Variants in DHX33 observed in about 807,000 individuals in gnomAD.
The protein encoded by DHX33 is DEAH-box helicase 33, also known as ATP-dependent RNA helicase DHX33.
DHX33 carries 42 observed loss-of-function variants against 72.5 expected under a neutral mutation model. The observed-to-expected ratio is 0.58, with a 90% CI of 0.45 to 0.75. DHX33 has a LOEUF of 0.75. Ranked by LOEUF, DHX33 falls within the 30% of genes least tolerant of loss-of-function variation. The pLI is 0.00. For missense variants in DHX33, 842 were observed against 917.5 expected (o/e 0.92, Z 1.06); for synonymous variants, 358 against 366.1 (o/e 0.98, Z 0.25).
At chr17:5,458,519 G>A (rs1409462626) in intron 4 of DHX33, among the ~76,000 whole-genome samples, 6 of 152,104 alleles carry the variant, frequency 3.9e-5, no homozygotes, top group Non-Finnish European at 8.8e-5. Context: ...ATGCTGAGGT[G>A]GGAGGACTGA....
chr17:5,454,388 A>G (rs1917099017), intron 6 of DHX33, among the ~76,000 whole-genome samples: 1 of 152,192 alleles, frequency 6.6e-6, no homozygotes, highest in South Asian at 2.1e-4. Flanking sequence ...TCAATCAATG[A>G]CTACGAAATT....
At chr17:5,457,164 C>G (rs750759446) in intron 4 of DHX33, among the ~76,000 whole-genome samples, 25 of 152,178 alleles carry the variant, frequency 1.6e-4, no homozygotes, top group Non-Finnish European at 1.3e-4. Flanking sequence ...AAAAATTAGC[C>G]AGGCGTGGTG....
chr17:5,462,413 T>C lies in DHX33; in HGVS notation c.584A>G (p.Glu195Gly). 2 of 1,614,200 alleles carry C rather than the reference T, an allele frequency of 1.2e-6. No individual in the cohort carries two copies. Among genetic ancestry groups the C allele is most frequent in the Non-Finnish European group, 1.7e-6 (2 of 1,180,036 alleles). ...TGTGTGGATAGTCCGTTCGTGAGCT[T>C]CATCCAAAATGACACAGCTGTATTT... The part of the protein sequence containing the change: ...LRKYSCVILD[E>G]AHERTIHTDV... The change falls in exon 3 of 12, where the codon GAA becomes GGA. Residue 195 changes from glutamate (E) to glycine (G), a missense_variant. Physicochemically the swap from Glu to Gly is moderately conservative, Grantham distance 98. Transcript: ENST00000225296.
chr17:5,459,457 T>C (rs1904479487), intron 4 of DHX33, among the ~76,000 whole-genome samples: 1 of 152,134 alleles, frequency 6.6e-6, no homozygotes, highest in Non-Finnish European at 1.5e-5. Flanking sequence ...TTTTTTGAGA[T>C]AGGATCTTGC....
In DHX33 at chr17:5,441,881, TTTTCTTTTTCTTTCTTTC is replaced by T. The variant is rs1916448173; in HGVS notation, c.*2306_*2323del. The T allele has an allele frequency of 1.3e-5, 2 of 152,040 alleles. No individual in the cohort carries two copies. Among genetic ancestry groups the T allele is most frequent in the African/African-American group, 4.8e-5 (2 of 41,390 alleles). 9.4% of individuals were successfully genotyped at this position (152,040 alleles called of 1,614,324 possible). A position where few individuals can be genotyped will look rare whatever the true frequency, so the allele number is the denominator to read the frequency against. On this transcript the variant is annotated 3_prime_UTR_variant, in exon 12 of 12. Transcript: ENST00000225296. ...AGCTGGACATAAATTACCCCAAGTT[TTTTCTTTTTCTTTCTTTC>T]TTTCTTTTTTTTTCTGAGACCGTCT...
At chr17:5,460,529 C>T (rs1265099562) in intron 4 of DHX33, among the ~76,000 whole-genome samples, 2 of 148,592 alleles carry the variant, frequency 1.3e-5, no homozygotes, top group African/African-American at 2.5e-5. Context: ...TTTTTTCAGA[C>T]GGAGTCTCCC....
In DHX33 at chr17:5,460,996, T is replaced by C. The variant is rs1010044087; in HGVS notation, c.792A>G (p.Lys264=). The change falls in exon 4 of 12, where the codon AAA becomes AAG. Residue 264 remains lysine, a synonymous_variant. Transcript: ENST00000225296. The part of the protein sequence containing the change: ...RQHPIQVFYT[K]QPQNDYLHAA... ...CGTGCAGGTAATCATTCTGAGGCTG[T>C]TTGGTGTAAAACACCTGGATCGGAT... 1 of 1,614,100 alleles carries C rather than the reference T, an allele frequency of 6.2e-7. No individual in the cohort carries two copies. Among genetic ancestry groups the C allele is most frequent in the Admixed American group, 1.7e-5 (1 of 60,022 alleles).
chr17:5,448,047 C>T (rs898590401), intron 11 of DHX33, among the ~76,000 whole-genome samples: 20 of 151,690 alleles, frequency 1.3e-4, no homozygotes, highest in Non-Finnish European at 2.2e-4. Context: ...GGCGTGGTGA[C>T]GCACGCCTGT....
chr17:5,454,982 A>C (rs1917123704), intron 6 of DHX33, among the ~76,000 whole-genome samples, 178 bp downstream of exon 6: 1 of 152,070 alleles, frequency 6.6e-6, no homozygotes, highest in African/African-American at 2.4e-5. Flanking sequence ...TTCCTGTCTC[A>C]CATACCCGCC....
chr17:5,454,934 A>G (rs1917122343), intron 6 of DHX33, among the ~76,000 whole-genome samples: 1 of 152,140 alleles, frequency 6.6e-6, no homozygotes, highest in Non-Finnish European at 1.5e-5. Flanking sequence ...CTGTGTGCCC[A>G]AGTTTGCTCA....
At chr17:5,451,897 T>C (rs1297282411) in intron 8 of DHX33, among the ~76,000 whole-genome samples, 2 of 152,118 alleles carry the variant, frequency 1.3e-5, no homozygotes, top group South Asian at 2.1e-4. Flanking sequence ...TCAGCACAAA[T>C]ATACTATACG....
At position 5,468,582 on chromosome 17, in the gene DHX33, G is replaced by A. The variant is rs1376380291; in HGVS notation, c.278C>T (p.Ala93Val). 1.1e-5 allele frequency: 17 copies of A among 1,607,794 alleles called. No homozygotes were observed. The highest frequency in any genetic ancestry group is 1.3e-5 in the African/African-American group (1 of 74,870). The change falls in exon 1 of 12, where the codon GCG becomes GTG. Residue 93 changes from alanine (A) to valine (V), a missense_variant. By Grantham distance (64) the Ala-to-Val change is moderately conservative. Transcript: ENST00000225296. ...LLAQLRNLDN[A>V]VLIGETGSGK... Reference sequence around the variant, plus strand: ...GCGCGGCCACTCACCGATGAGGACCGCGTTGTCCAGGTTTCGGAGCTGGGC... The same window carrying A: ...GCGCGGCCACTCACCGATGAGGACCACGTTGTCCAGGTTTCGGAGCTGGGC...
At position 5,444,489 on chromosome 17, in the gene DHX33, G is replaced by T; in HGVS notation, c.1840C>A (p.Arg614=). Residue 614 remains arginine, a synonymous_variant, in exon 12 of 12, where the codon CGA becomes AGA. Transcript: ENST00000225296. This position sits in a 1 kb window ranked among gnomAD's most constrained non-coding sequence, Gnocchi z 4.9. ...CGGCGGACACTCTCCACGTCTCCTC[G>T]GGATGATGCGATTGGCATTGACATC... ...LKMSMPIASS[R]GDVESVRRCL... 1 of 1,613,966 alleles carries T rather than the reference G, an allele frequency of 6.2e-7. No homozygotes were observed. The highest frequency in any genetic ancestry group is 8.5e-7 in the Non-Finnish European group (1 of 1,179,924).
In DHX33 at chr17:5,462,449, G is replaced by A. The variant is rs781118136; in HGVS notation, c.548C>T (p.Ser183Phe). 2.5e-6 allele frequency: 4 copies of A among 1,614,182 alleles called. No individual in the cohort carries two copies. The highest frequency in any genetic ancestry group is 3.4e-6 in the Non-Finnish European group (4 of 1,180,002). ...GMLLREAISD[S>F]LLRKYSCVIL... ...GACACAGCTGTATTTCCGAAGCAAA[G>A]AGTCTGAAATTGCTTCACGCAGAAG... is the stretch of plus-strand genomic sequence containing the variant. The change falls in exon 3 of 12, where the codon TCT becomes TTT. Residue 183 changes from serine to phenylalanine, a missense_variant. By Grantham distance (155) the Ser-to-Phe change is radical. Coordinates refer to ENST00000225296, the MANE Select transcript of DHX33 (RefSeq NM_020162.4).
intron 10 of DHX33, among the ~76,000 whole-genome samples, 185 bp downstream of exon 10, chr17:5,450,018 C>T (rs1916822432): frequency 1.3e-5 from 2 of 152,072 alleles, no homozygotes; most frequent in Admixed American, 1.3e-4. Context: ...GGAACAGAGA[C>T]CAGAATGACA....
At chr17:5,450,556 A>G in intron 9 of DHX33, 150 bp from the exon 10 acceptor site, 1 of 992,702 alleles carries the variant, frequency 1.0e-6, no homozygotes, top group Non-Finnish European at 1.5e-6. Flanking sequence ...GTGTTATTTC[A>G]CTCTTTAATA....
chr17:5,450,316 G>A lies in DHX33; in HGVS notation c.1615C>T (p.Pro539Ser), dbSNP rs752788517. The A allele has an allele frequency of 6.2e-7, 1 of 1,614,190 alleles. No homozygotes were observed. Among genetic ancestry groups the A allele is most frequent in the Admixed American group, 1.7e-5 (1 of 60,024 alleles). ...LSVDSVLHNP[P>S]SRREEVQGVR... ...CCTTGCACTTCCTCTCGCCGGGAAGGAGGGTTGTGGAGGACGCTGTCCACA... is the reference window on the plus strand; with the variant it reads ...CCTTGCACTTCCTCTCGCCGGGAAGAAGGGTTGTGGAGGACGCTGTCCACA... Residue 539 changes from proline to serine, a missense_variant, in exon 10 of 12, where the codon CCT becomes TCT. Pro to Ser is a moderately conservative substitution (Grantham distance 74). Transcript: ENST00000225296.
chr17:5,450,290 C>A lies in DHX33; in HGVS notation c.1641G>T (p.Gly547=). 6.2e-7 allele frequency: 1 copy of A among 1,614,140 alleles called. No homozygotes were observed. The highest frequency in any genetic ancestry group is 8.5e-7 in the Non-Finnish European group (1 of 1,180,022). Residue 547 remains glycine (G), a synonymous_variant, in exon 10 of 12, where the codon GGG becomes GGT. Coordinates refer to ENST00000225296, the MANE Select transcript of DHX33 (RefSeq NM_020162.4). ...CGCTGGATATGAACTTCTTGCGGACCCCTTGCACTTCCTCTCGCCGGGAAG... is the reference window on the plus strand; with the variant it reads ...CGCTGGATATGAACTTCTTGCGGACACCTTGCACTTCCTCTCGCCGGGAAG... The part of the protein sequence containing the change: ...NPPSRREEVQ[G]VRKKFISSEG...
intron 8 of DHX33, among the ~76,000 whole-genome samples, chr17:5,452,253 C>T (rs1916955483): frequency 6.6e-6 from 1 of 152,144 alleles, no homozygotes; most frequent in Non-Finnish European, 1.5e-5. Context: ...TTAAAACATA[C>T]TACAGGCTGG....
Sources: allele counts gnomAD v4.1 joint callset (sites outside exome capture counted in the v4.1 genomes callset), GRCh38; gene constraint gnomAD v4.1.1; non-coding constraint Gnocchi (gnomAD v3.1); transcripts MANE v1.5; gene names NCBI Gene and HGNC (gene_info 2026-07-23, HGNC 2026-07-21).